VGLL4: variants seen among roughly 807,000 people sequenced by gnomAD.
VGLL4 encodes the protein transcription cofactor vestigial-like protein 4.
A neutral mutation model predicts 21.0 loss-of-function variants in VGLL4; 7 were observed. The ratio of observed to expected loss-of-function variants is 0.33; its 90% CI spans 0.19 to 0.63. VGLL4 has a LOEUF of 0.63. VGLL4 is among the 20% of genes least tolerant of loss of function. The probability of loss-of-function intolerance (pLI) is 0.78; values close to 1 mark genes in which losing one functional copy is unlikely to be tolerated. For synonymous variants in VGLL4, 222 were observed against 173.2 expected (o/e 1.28, Z -2.21); for missense variants, 394 against 425.7 (o/e 0.93, Z 0.66).
intron 1 of VGLL4, among the ~76,000 whole-genome samples, chr3:11,708,883 G>T (rs1264055894): frequency 6.6e-6 from 1 of 151,980 alleles, no homozygotes. Context: ...ACAACATGGT[G>T]AAACTCAGTC....
In VGLL4 at chr3:11,625,084, G is replaced by A. The variant is rs2075328349; in HGVS notation, c.82+18353C>T. ...AAAGAAGAACTAAGGCAATGAACAT[G>A]TCCAGAAAGAACCACATGCTAACTT... On this transcript the variant is annotated intron_variant, in intron 1 of 4. Coordinates refer to ENST00000430365, the MANE Select transcript of VGLL4 (RefSeq NM_001128219.3). Among the ~76,000 whole-genome samples the A allele has an allele frequency of 2.0e-5, 3 of 152,190 alleles. No homozygotes were observed. The South Asian group carries it at 6.2e-4, about 31-fold the overall frequency.
At position 11,557,460 on chromosome 3, in the gene VGLL4, A is replaced by G. The variant is rs2072545247; in HGVS notation, c.*1096T>C. ...TGTAACAAAGCAGACAGGGATGCAA[A>G]AATAAATGATGTCAGCCTGCAGCCA... is the stretch of plus-strand genomic sequence containing the variant. On this transcript the variant is annotated 3_prime_UTR_variant, in exon 5 of 5. Coordinates refer to ENST00000430365, the MANE Select transcript of VGLL4 (RefSeq NM_001128219.3). 1 of 152,592 alleles carries G rather than the reference A, an allele frequency of 6.6e-6. No homozygotes were observed. Among genetic ancestry groups the G allele is most frequent in the Admixed American group, 6.5e-5 (1 of 15,274 alleles). The allele number at this position is 152,592 out of a possible 1,614,324, so 9.5% of individuals were successfully genotyped here. A position where few individuals can be genotyped will look rare whatever the true frequency, so the allele number is the denominator to read the frequency against.
intron 1 of VGLL4, among the ~76,000 whole-genome samples, chr3:11,711,951 C>T (rs1042871962): frequency 1.3e-5 from 2 of 152,140 alleles, no homozygotes; most frequent in African/African-American, 4.8e-5. Context: ...CACAGTTTCA[C>T]GGTTTTAAAT....
At chr3:11,593,530 T>C (rs558108357) in intron 2 of VGLL4, among the ~76,000 whole-genome samples, 4 of 152,142 alleles carry the variant, frequency 2.6e-5, no homozygotes, top group Admixed American at 2.0e-4. Flanking sequence ...TCTTTTTCTA[T>C]TCACCCCTAT....
chr3:11,558,690 C>T lies in VGLL4; in HGVS notation c.757G>A (p.Asp253Asn). The change falls in exon 5 of 5, where the codon GAC becomes AAC. Residue 253 changes from aspartate (D) to asparagine (N), a missense_variant. Coordinates refer to ENST00000430365, the MANE Select transcript of VGLL4 (RefSeq NM_001128219.3). Reference sequence around the variant, plus strand: ...GCCGCTTTGATCTGGAGCCACGTGTCACCCAGAGCTTTGGCAAAGTGGTCG... The same window carrying T: ...GCCGCTTTGATCTGGAGCCACGTGTTACCCAGAGCTTTGGCAAAGTGGTCG... ...VDDHFAKALGDTWLQIKAAKD... is the reference protein window; with the variant it reads ...VDDHFAKALGNTWLQIKAAKD... 6.2e-7 allele frequency: 1 copy of T among 1,613,970 alleles called. No homozygotes were observed. Among genetic ancestry groups the T allele is most frequent in the Non-Finnish European group, 8.5e-7 (1 of 1,180,042 alleles).
At chr3:11,626,521 G>A (rs1029129708) in intron 1 of VGLL4, 2 of 432,636 alleles carry the variant, frequency 4.6e-6, no homozygotes, top group Non-Finnish European at 9.2e-6. Context: ...TACCTTGAAA[G>A]GCAGTAATAT....
At chr3:11,578,716 T>C (rs1189993489) in intron 2 of VGLL4, among the ~76,000 whole-genome samples, 1 of 149,894 alleles carries the variant, frequency 6.7e-6, no homozygotes, top group Non-Finnish European at 1.5e-5. Context: ...GCTCATCTAG[T>C]AAGAGATTTT....
chr3:11,696,218 C>A (rs2076604935), intron 2 of VGLL4, among the ~76,000 whole-genome samples: 1 of 152,226 alleles, frequency 6.6e-6, no homozygotes, highest in Admixed American at 6.5e-5. Context: ...ATGTTGTTCT[C>A]TTTCCAGGGC....
At chr3:11,599,441 C>T (rs1053917968) in intron 2 of VGLL4, among the ~76,000 whole-genome samples, 6 of 148,970 alleles carry the variant, frequency 4.0e-5, no homozygotes, top group Non-Finnish European at 7.4e-5. Context: ...CTATTATTTA[C>T]ACTTAAAATT....
intron 2 of VGLL4, among the ~76,000 whole-genome samples, chr3:11,681,637 T>G (rs909543094): frequency 2.0e-5 from 3 of 152,242 alleles, no homozygotes; most frequent in Non-Finnish European, 4.4e-5. Context: ...TTTTACTATA[T>G]AGTATTAATA....
chr3:11,671,528 C>A (rs1254792185), intron 2 of VGLL4: 6 of 596,254 alleles, frequency 1.0e-5, no homozygotes, highest in Non-Finnish European at 1.8e-5. Context: ...CCCTGCAGAG[C>A]CCACCTGTAT....
chr3:11,640,684 G>C (rs531601087), intron 1 of VGLL4, among the ~76,000 whole-genome samples: 2 of 152,262 alleles, frequency 1.3e-5, no homozygotes, highest in East Asian at 3.9e-4. Flanking sequence ...ATGGTGGAGG[G>C]CAGGAGCCAG....
chr3:11,652,264 C>A (rs114684408), intron 2 of VGLL4, among the ~76,000 whole-genome samples: 2,187 of 152,190 alleles, frequency 0.014, 67 homozygotes, highest in African/African-American at 0.05. Flanking sequence ...TAGAAAATAT[C>A]TTTTAACAAA....
chr3:11,559,318 C>G lies in VGLL4; in HGVS notation c.619+14G>C. The stretch of plus-strand genomic sequence containing the variant: ...AGCACAGCTGTGACAGGTGAGGAGG[C>G]CCGGGACACTCACCGCTCGGTGGCC... On this transcript the variant is annotated intron_variant, in intron 4 of 4. Transcript: ENST00000430365. The G allele has an allele frequency of 6.6e-7, 1 of 1,526,576 alleles. No homozygotes were observed. 94.6% of individuals were successfully genotyped at this position (1,526,576 alleles called of 1,614,324 possible).
chr3:11,677,426 C>A (rs1294260851), intron 2 of VGLL4, among the ~76,000 whole-genome samples: 1 of 152,046 alleles, frequency 6.6e-6, no homozygotes, highest in East Asian at 1.9e-4. Flanking sequence ...AGTGCCACCA[C>A]ACCCAGCTAA....
intron 2 of VGLL4, among the ~76,000 whole-genome samples, chr3:11,662,599 A>C (rs1286045427): frequency 6.6e-6 from 1 of 152,254 alleles, no homozygotes; most frequent in East Asian, 1.9e-4. Context: ...GGACTGAGAA[A>C]GCTGAATGCT....
intron 2 of VGLL4, chr3:11,671,353 G>A (rs376797755): frequency 7.9e-5 from 94 of 1,194,516 alleles, no homozygotes; most frequent in Middle Eastern, 1.9e-4. Flanking sequence ...GTTCCGCAGC[G>A]AGGACTACGA....
chr3:11,686,430 A>T (rs901635499), intron 2 of VGLL4, among the ~76,000 whole-genome samples: 1 of 152,224 alleles, frequency 6.6e-6, no homozygotes, highest in African/African-American at 2.4e-5. Context: ...ATATCGTATG[A>T]TTCCACATAT....
intron 1 of VGLL4, among the ~76,000 whole-genome samples, chr3:11,628,752 A>G (rs1475790112): frequency 4.6e-5 from 7 of 152,346 alleles, no homozygotes; most frequent in South Asian, 2.1e-4. Flanking sequence ...CACGGGAGGC[A>G]GAGCTTGCAG....
Sources: allele counts gnomAD v4.1 joint callset (sites outside exome capture counted in the v4.1 genomes callset), GRCh38; gene constraint gnomAD v4.1.1; transcripts MANE v1.5; gene names NCBI Gene and HGNC (gene_info 2026-07-23, HGNC 2026-07-21).